Variants in TAFA4 observed in about 807,000 individuals in gnomAD.
TAFA4 encodes the protein chemokine-like protein TAFA-4.
TAFA4 carries 20 observed loss-of-function variants against 21.1 expected under a neutral mutation model. The observed-to-expected ratio is 0.95, with a 90% CI of 0.67 to 1.38. The LOEUF (loss-of-function observed/expected upper bound fraction) is 1.38, where lower values mean the gene tolerates loss of function less well. Ranked by LOEUF, TAFA4 falls within the 40% of genes most tolerant of loss-of-function variation. TAFA4 has a pLI of 0.00. For missense variants in TAFA4, 211 were observed against 180.9 expected (o/e 1.17, Z -0.95); for synonymous variants, 71 against 67.4 (o/e 1.05, Z -0.26).
intron 3 of TAFA4, among the ~76,000 whole-genome samples, chr3:68,832,307 C>T (rs1298011622): frequency 6.6e-6 from 1 of 152,310 alleles, no homozygotes; most frequent in African/African-American, 2.4e-5. Flanking sequence ...TTCTCCCCAT[C>T]TTTGCGGTTT....
Position 68,897,639 on chromosome 3 carries a change from T to A in TAFA4, c.-122-12329A>T, listed in dbSNP as rs200310478. Reference sequence around the variant, plus strand: ...GAAACTCCATCTCAAAAAAAAAAAATATTTATTTTTCCCTTTATCTCTCAT... The same window carrying A: ...GAAACTCCATCTCAAAAAAAAAAAAAATTTATTTTTCCCTTTATCTCTCAT... On this transcript the variant is annotated intron_variant, in intron 1 of 5. Coordinates refer to ENST00000295569, the MANE Select transcript of TAFA4 (RefSeq NM_182522.5). Among the ~76,000 whole-genome samples, 865 of 98,424 alleles carry A rather than the reference T, an allele frequency of 8.8e-3. 4 individuals carry two copies. The highest frequency in any genetic ancestry group is 0.032 in the African/African-American group (831 of 25,968). The allele number at this position is 98,424 out of a possible 152,430, so 64.6% of individuals were successfully genotyped here. A position where few individuals can be genotyped will look rare whatever the true frequency, so the allele number is the denominator to read the frequency against.
chr3:68,755,716 A>G (rs750180721), intron 3 of TAFA4, among the ~76,000 whole-genome samples: 1 of 152,178 alleles, frequency 6.6e-6, no homozygotes, highest in African/African-American at 2.4e-5. Flanking sequence ...GCAGCCCTAC[A>G]GCCAGGCCCA....
intron 3 of TAFA4, among the ~76,000 whole-genome samples, chr3:68,784,053 T>G (rs567846837): frequency 5.8e-4 from 88 of 152,296 alleles, no homozygotes; most frequent in African/African-American, 2.1e-3. Context: ...TAAGAAAAGG[T>G]TAAGAATCCA....
intron 3 of TAFA4, among the ~76,000 whole-genome samples, chr3:68,875,584 A>G (rs1007337707): frequency 6.6e-6 from 1 of 152,202 alleles, no homozygotes; most frequent in Non-Finnish European, 1.5e-5. Flanking sequence ...TGGAAGTGGG[A>G]CAGGAAGAAG....
At chr3:68,892,276 C>T (rs972493705) in intron 1 of TAFA4, among the ~76,000 whole-genome samples, 5 of 152,072 alleles carry the variant, frequency 3.3e-5, no homozygotes, top group Non-Finnish European at 7.4e-5. Flanking sequence ...ACTACTGAAC[C>T]ATTTTACAAC....
intron 1 of TAFA4, among the ~76,000 whole-genome samples, chr3:68,911,638 G>T (rs764925531): frequency 6.6e-6 from 1 of 152,178 alleles, no homozygotes; most frequent in Non-Finnish European, 1.5e-5. Flanking sequence ...CTAAATCGGA[G>T]AACAAATCAG....
chr3:68,816,757 A>G (rs6549145), intron 3 of TAFA4, among the ~76,000 whole-genome samples: 101,036 of 152,092 alleles, frequency 0.66, 34,039 homozygotes, highest in East Asian at 0.98. Context: ...GTTGCAAGAA[A>G]GCAAGTCACA....
intron 1 of TAFA4, among the ~76,000 whole-genome samples, chr3:68,891,454 T>G (rs1575660485): frequency 6.6e-6 from 1 of 152,122 alleles, no homozygotes; most frequent in Non-Finnish European, 1.5e-5. Flanking sequence ...ATTTCCAGAC[T>G]CACCATCAGT....
intron 3 of TAFA4, among the ~76,000 whole-genome samples, chr3:68,773,438 A>G (rs1361600745): frequency 6.6e-6 from 1 of 152,202 alleles, no homozygotes. Context: ...TTTGGTGTCC[A>G]AAGTTTTTAT....
At chr3:68,879,183 T>A (rs1298626245) in intron 3 of TAFA4, among the ~76,000 whole-genome samples, 1 of 152,120 alleles carries the variant, frequency 6.6e-6, no homozygotes, top group Non-Finnish European at 1.5e-5. Context: ...GACACAGCCG[T>A]TTGCAGATAA....
intron 3 of TAFA4, among the ~76,000 whole-genome samples, chr3:68,762,219 G>C (rs1339424157): frequency 6.7e-6 from 1 of 149,020 alleles, no homozygotes; most frequent in African/African-American, 2.5e-5. Flanking sequence ...AAAAAAAAAT[G>C]TAGCAGAAGA....
chr3:68,777,009 T>C (rs1369225398), intron 3 of TAFA4, among the ~76,000 whole-genome samples: 2 of 152,050 alleles, frequency 1.3e-5, no homozygotes, highest in Non-Finnish European at 2.9e-5. Flanking sequence ...AAATAAATTA[T>C]TGTCAGCAAC....
chr3:68,751,884 C>A (rs935122299), intron 4 of TAFA4, among the ~76,000 whole-genome samples: 1 of 152,150 alleles, frequency 6.6e-6, no homozygotes, highest in South Asian at 2.1e-4. Context: ...ACACATTTGG[C>A]CCCCAAAGTT....
intron 2 of TAFA4, among the ~76,000 whole-genome samples, chr3:68,881,435 A>G (rs2089617374): frequency 2.0e-5 from 3 of 152,218 alleles, no homozygotes; most frequent in African/African-American, 7.2e-5. Context: ...CTCAAAAACA[A>G]TTCCGTTCAC....
At chr3:68,825,388 G>C (rs913190899) in intron 3 of TAFA4, among the ~76,000 whole-genome samples, 4 of 152,134 alleles carry the variant, frequency 2.6e-5, no homozygotes, top group Admixed American at 2.6e-4. Flanking sequence ...ATGGGCATTT[G>C]GGTTGACTCC....
chr3:68,748,254 A>C (rs1378074186), intron 4 of TAFA4, among the ~76,000 whole-genome samples: 1 of 152,180 alleles, frequency 6.6e-6, no homozygotes, highest in Non-Finnish European at 1.5e-5. Context: ...CCAACTCCCA[A>C]AGTGTTTTGG....
At chr3:68,773,926 C>G (rs1225812931) in intron 3 of TAFA4, among the ~76,000 whole-genome samples, 1 of 152,174 alleles carries the variant, frequency 6.6e-6, no homozygotes, top group African/African-American at 2.4e-5. Context: ...AACCAACAGC[C>G]TAAGATCAGA....
At chr3:68,757,590 A>G (rs921480723) in intron 3 of TAFA4, among the ~76,000 whole-genome samples, 6 of 152,212 alleles carry the variant, frequency 3.9e-5, no homozygotes, top group African/African-American at 1.4e-4. Context: ...CAGTAATGCT[A>G]TGATTTACTT....
rs544134575 is a variant in TAFA4, at chr3:68,911,372, T to C, written c.-123+20868A>G. 1.1e-4 allele frequency among the ~76,000 whole-genome samples: 17 copies of C among 152,384 alleles called. No individual in the cohort carries two copies. The East Asian group carries it at 2.9e-3, about 26-fold the overall frequency. Reference sequence around the variant, plus strand: ...TCTTTTCCAAGAGATTTACATTCCCTGTGTATTTTGATGGAAAAGACACTA... The same window carrying C: ...TCTTTTCCAAGAGATTTACATTCCCCGTGTATTTTGATGGAAAAGACACTA... On this transcript the variant is annotated intron_variant, in intron 1 of 5. Coordinates refer to ENST00000295569, the MANE Select transcript of TAFA4 (RefSeq NM_182522.5).
Sources: gnomAD v4.1 joint callset for allele counts (sites outside exome capture counted in the v4.1 genomes callset) on GRCh38, gnomAD v4.1.1 for gene constraint, MANE v1.5 for transcripts, NCBI Gene and HGNC (gene_info 2026-07-23, HGNC 2026-07-21) for gene names.